The following TPD52 variants were observed in gnomAD, a reference collection of about 807,000 sequenced individuals.
TPD52 encodes the protein tumor protein D52, also known as prostate and colon associated protein.
TPD52 carries 17 observed loss-of-function variants against 31.3 expected under a neutral mutation model. The ratio of observed to expected loss-of-function variants is 0.54; its 90% CI spans 0.37 to 0.82. TPD52 has a LOEUF of 0.82. Ranked by LOEUF, TPD52 falls within the 40% of genes least tolerant of loss-of-function variation. The probability of loss-of-function intolerance (pLI) is 0.00; values close to 1 mark genes in which losing one functional copy is unlikely to be tolerated. For synonymous variants in TPD52, 83 were observed against 89.6 expected, an observed-to-expected ratio of 0.93 and a Z score of 0.42; for missense variants, 212 against 240.1, an observed-to-expected ratio of 0.88 and a Z score of 0.77.
At chr8:80,051,041 G>A (rs1811333441) in intron 4 of TPD52, among the ~76,000 whole-genome samples, 1 of 149,154 alleles carries the variant, frequency 6.7e-6, no homozygotes, top group Non-Finnish European at 1.5e-5. Flanking sequence ...CAAGATTTTG[G>A]CCTAAGCATG....
intron 1 of TPD52, among the ~76,000 whole-genome samples, chr8:80,161,735 T>A (rs867773455): frequency 1.1e-3 from 51 of 47,806 alleles, no homozygotes; most frequent in South Asian, 2.6e-3. Flanking sequence ...TATATATATT[T>A]TTTTTTTTTT....
chr8:80,097,104 A>G (rs934281527), intron 1 of TPD52, among the ~76,000 whole-genome samples: 1 of 150,150 alleles, frequency 6.7e-6, no homozygotes, highest in Non-Finnish European at 1.5e-5. Flanking sequence ...TGATATGGAC[A>G]AAGTTTGAAT....
intron 7 of TPD52, among the ~76,000 whole-genome samples, chr8:80,040,835 G>A (rs556577449): frequency 6.6e-6 from 1 of 152,290 alleles, no homozygotes; most frequent in South Asian, 2.1e-4. Context: ...CTCTTGAAAT[G>A]ACATAGAAGA....
At chr8:80,042,451 A>AT (rs1810480272) in intron 7 of TPD52, 169 bp downstream of exon 7, 8 of 985,368 alleles carry the variant, frequency 8.1e-6, no homozygotes, top group Non-Finnish European at 9.6e-6. Flanking sequence ...CTAAAAAGAT[A>AT]TTAAGTACAT....
In TPD52 at chr8:80,050,471, T is replaced by C. The variant is rs764910671; in HGVS notation, c.387A>G (p.Lys129=). The C allele has an allele frequency of 6.4e-5, 102 of 1,605,998 alleles. 1 individual carries two copies. In the South Asian group the frequency reaches 6.6e-4, roughly 10 times the overall value. The change falls in exon 5 of 8, where the codon AAA becomes AAG. Residue 129 remains lysine (K), a splice_region_variant and synonymous_variant. Transcript: ENST00000518937. ...SVITKKLEDV[K]LQAFSHSFSI... Reference sequence around the variant, plus strand: ...TAAAGGAATGTGAAAAGGCTTGCAATCTGTAAGAAGCCAGAGTAAGCATTA... The same window carrying C: ...TAAAGGAATGTGAAAAGGCTTGCAACCTGTAAGAAGCCAGAGTAAGCATTA...
chr8:80,042,374 G>C, intron 7 of TPD52: 1 of 985,416 alleles, frequency 1.0e-6, no homozygotes, highest in Non-Finnish European at 1.2e-6. Context: ...AATTTCTAAA[G>C]TGCCATTTCT....
rs758520020 is a variant in TPD52 at position 80,038,102 on chromosome 8, C to A, written c.*14G>T. 2 of 1,613,284 alleles carry A rather than the reference C, an allele frequency of 1.2e-6. No homozygotes were observed. Among genetic ancestry groups the A allele is most frequent in the African/African-American group, 2.7e-5 (2 of 74,904 alleles). On this transcript the variant is annotated 3_prime_UTR_variant, in exon 8 of 8. Transcript: ENST00000518937. ...CAGCATCTGGCAGTGGGTAGCAGAA[C>A]AAAGGTAGGAATCTCACAGGCTCTC...
chr8:80,145,518 T>C (rs1157344005), intron 1 of TPD52, among the ~76,000 whole-genome samples: 3 of 152,194 alleles, frequency 2.0e-5, no homozygotes, highest in African/African-American at 7.2e-5. Context: ...GCTGGGCACA[T>C]AGCAGGTGCT....
intron 1 of TPD52, among the ~76,000 whole-genome samples, chr8:80,103,166 GA>G (rs1237792136): frequency 6.6e-6 from 1 of 152,134 alleles, no homozygotes; most frequent in Non-Finnish European, 1.5e-5. Flanking sequence ...CCAAGGAGGT[GA>G]GTCATGGAAA....
At chr8:80,057,110 G>A (rs558397379) in intron 2 of TPD52, among the ~76,000 whole-genome samples, 15 of 152,318 alleles carry the variant, frequency 9.8e-5, no homozygotes, top group African/African-American at 3.6e-4. Context: ...AGAGGTTGCA[G>A]TGAGCTGAGA....
rs534685475 is a variant in TPD52, at chr8:80,117,660, C to T, written c.20-53067G>A. Among the ~76,000 whole-genome samples, 23 of 151,864 alleles carry T rather than the reference C, an allele frequency of 1.5e-4. No individual in the cohort carries two copies. The South Asian group carries it at 3.3e-3, about 22-fold the overall frequency. On this transcript the variant is annotated intron_variant, in intron 1 of 7. Transcript: ENST00000518937. Reference sequence around the variant, plus strand: ...TCCTAAAATTCTCACAGAAATTCAACGGACCCAGAGTAGCCAAAACAATCT... The same window carrying T: ...TCCTAAAATTCTCACAGAAATTCAATGGACCCAGAGTAGCCAAAACAATCT...
At chr8:80,134,960 T>C (rs993361448) in intron 1 of TPD52, among the ~76,000 whole-genome samples, 5 of 152,184 alleles carry the variant, frequency 3.3e-5, no homozygotes, top group Non-Finnish European at 7.3e-5. Flanking sequence ...CTGAGATATA[T>C]GAAGCCTGAG....
intron 3 of TPD52, 84 bp from the exon 4 acceptor site, chr8:80,051,712 C>T: frequency 4.6e-6 from 5 of 1,089,132 alleles, no homozygotes; most frequent in Non-Finnish European, 6.5e-6. Context: ...CAGTGGTCAC[C>T]ACCTGCTGGA....
intron 1 of TPD52, among the ~76,000 whole-genome samples, chr8:80,112,279 TATC>T (rs1423462205): frequency 6.6e-6 from 1 of 152,228 alleles, no homozygotes; most frequent in African/African-American, 2.4e-5. Context: ...AAGTAGATAT[TATC>T]ATTATTCCCA....
intron 3 of TPD52, chr8:80,052,776 A>G (rs1758538417): frequency 3.0e-6 from 2 of 673,698 alleles, no homozygotes; most frequent in African/African-American, 1.9e-5. Flanking sequence ...CCAAGAGCAT[A>G]TATCTGAGAC....
chr8:80,146,817 G>C (rs534307284), intron 1 of TPD52, among the ~76,000 whole-genome samples: 1 of 152,302 alleles, frequency 6.6e-6, no homozygotes, highest in East Asian at 1.9e-4. Context: ...CCATGACATG[G>C]AGCTGATGAA....
At chr8:80,118,530 T>C in intron 1 of TPD52, among the ~76,000 whole-genome samples, 1 of 152,318 alleles carries the variant, frequency 6.6e-6, no homozygotes, top group Non-Finnish European at 1.5e-5. Context: ...AAATCATCTA[T>C]CTGATGATGG....
At chr8:80,140,310 A>G (rs1809741423) in intron 1 of TPD52, among the ~76,000 whole-genome samples, 1 of 152,190 alleles carries the variant, frequency 6.6e-6, no homozygotes, top group African/African-American at 2.4e-5. Flanking sequence ...AAAATGAGGT[A>G]AAATTCTAAT....
chr8:80,031,363 C>G (rs764463845), downstream of TPD52, among the ~76,000 whole-genome samples: 1 of 152,240 alleles, frequency 6.6e-6, no homozygotes, highest in Non-Finnish European at 1.5e-5. Flanking sequence ...AAAATTATTA[C>G]TAGCTAACTG....
Sources: gnomAD v4.1 joint callset for allele counts (sites outside exome capture counted in the v4.1 genomes callset) on GRCh38, gnomAD v4.1.1 for gene constraint, MANE v1.5 for transcripts, NCBI Gene and HGNC (gene_info 2026-07-23, HGNC 2026-07-21) for gene names.